The following ADGRL1 variants were observed in gnomAD, a reference collection of about 807,000 sequenced individuals.
ADGRL1 encodes the protein adhesion G protein-coupled receptor L1.
In ADGRL1, 31 loss-of-function variants were observed where a neutral mutation model predicts 148.9. That is an observed-to-expected ratio of 0.21 (90% CI 0.16 to 0.28). ADGRL1 has a LOEUF of 0.28. Ranked by LOEUF, ADGRL1 falls within the 10% of genes least tolerant of loss-of-function variation. The pLI is 1.00. For missense variants in ADGRL1, 1,521 were observed against 2,058.8 expected, an observed-to-expected ratio of 0.74 and a Z score of 5.05; for synonymous variants, 937 against 900.3, an observed-to-expected ratio of 1.04 and a Z score of -0.73.
chr19:14,156,839 C>T lies in ADGRL1; in HGVS notation c.2966+86G>A, dbSNP rs1478830603. The T allele has an allele frequency of 1.5e-5, 23 of 1,534,280 alleles. No homozygotes were observed. In the East Asian group the frequency reaches 5.4e-4, roughly 36 times the overall value. On this transcript the variant is annotated intron_variant, in intron 15 of 22. Coordinates refer to ENST00000361434, the MANE Select transcript of ADGRL1 (RefSeq NM_014921.5). ...CTCTGGGATCAGGAGGAGGAAGGGA[C>T]TACCGCCCTGAGGGTCCTGGTCCAA...
chr19:14,174,697 G>C (rs1365602998), intron 3 of ADGRL1, among the ~76,000 whole-genome samples: 1 of 151,402 alleles, frequency 6.6e-6, no homozygotes, highest in Non-Finnish European at 1.5e-5. Flanking sequence ...CACCGTATCA[G>C]GCTAATTTTT....
In ADGRL1 at chr19:14,160,069, GGCGCCCTCCCCATA is replaced by G; in HGVS notation, c.1800+29_1800+42del. The G allele has an allele frequency of 1.3e-6, 2 of 1,533,484 alleles. No homozygotes were observed. The highest frequency in any genetic ancestry group is 1.8e-6 in the Non-Finnish European group (2 of 1,136,496). The allele number at this position is 1,533,484 out of a possible 1,614,324, so 95.0% of individuals were successfully genotyped here. A position where few individuals can be genotyped will look rare whatever the true frequency, so the allele number is the denominator to read the frequency against. The stretch of plus-strand genomic sequence containing the variant: ...GGTACTTCCCAAGCCCCTGGGGGCA[GGCGCCCTCCCCATA>G]CCAGGTCAGCGCCACCGCCAGGCCC... On this transcript the variant is annotated intron_variant, in intron 8 of 22. Transcript: ENST00000361434. The surrounding 1 kb of genome is among the most constrained non-coding windows in gnomAD (Gnocchi z 5.9).
intron 1 of ADGRL1, among the ~76,000 whole-genome samples, chr19:14,196,382 G>A (rs1972266115): frequency 6.6e-6 from 1 of 152,252 alleles, no homozygotes; most frequent in Admixed American, 6.5e-5. Flanking sequence ...ACTTCAGGAG[G>A]CTGAAGAGGG....
In ADGRL1 at chr19:14,179,223, G is replaced by A. The variant is rs565824847; in HGVS notation, c.71-1479C>T. Among the ~76,000 whole-genome samples the A allele has an allele frequency of 9.9e-5, 15 of 151,848 alleles. No homozygotes were observed. The South Asian group carries it at 1.9e-3, about 19-fold the overall frequency. ...AATAAAAAAAAAATAGGTCAGGCAC[G>A]GTGGCTCACGCCTATAATCCCAGCA... On this transcript the variant is annotated intron_variant, in intron 2 of 22. Coordinates refer to ENST00000361434, the MANE Select transcript of ADGRL1 (RefSeq NM_014921.5).
chr19:14,186,868 G>A (rs1361861740), intron 1 of ADGRL1, among the ~76,000 whole-genome samples: 4 of 152,076 alleles, frequency 2.6e-5, no homozygotes, highest in Non-Finnish European at 5.9e-5. Context: ...CATTGTTCAG[G>A]GCTCAGCCGC....
chr19:14,152,123 T>G lies in ADGRL1; in HGVS notation c.3667+10A>C, dbSNP rs1467267060. The G allele has an allele frequency of 6.2e-7, 1 of 1,612,982 alleles. No individual in the cohort carries two copies. Among genetic ancestry groups the G allele is most frequent in the South Asian group, 1.1e-5 (1 of 91,044 alleles). On this transcript the variant is annotated intron_variant, in intron 22 of 22. Coordinates refer to ENST00000361434, the MANE Select transcript of ADGRL1 (RefSeq NM_014921.5). The surrounding 1 kb of genome is among the most constrained non-coding windows in gnomAD (Gnocchi z 6.1). The stretch of plus-strand genomic sequence containing the variant: ...CCTCAGAAACATCCCCAGGGAAGAG[T>G]CACACTTACTGGGTTCCCGGTAGCT...
At chr19:14,171,359 GCT>G (rs1380753600) in intron 3 of ADGRL1, 3 of 152,618 alleles carry the variant, frequency 2.0e-5, no homozygotes, top group Non-Finnish European at 4.4e-5. Context: ...TTTCCTGCCT[GCT>G]CTCTCTTTCC....
intron 1 of ADGRL1, among the ~76,000 whole-genome samples, chr19:14,193,614 C>T (rs1269502672): frequency 6.6e-6 from 1 of 152,046 alleles, no homozygotes; most frequent in Non-Finnish European, 1.5e-5. Context: ...GTTGAAGTCC[C>T]AACTCCTGAT....
chr19:14,160,665 C>A lies in ADGRL1; in HGVS notation c.1542G>T (p.Leu514Phe). Residue 514 changes from leucine (L) to phenylalanine (F), a missense_variant, in exon 7 of 23, where the codon TTG becomes TTT. Leu to Phe is a conservative substitution (Grantham distance 22, BLOSUM62 0). This residue lies in a region of ADGRL1 where 270 missense variants were observed against 320.4 expected (regional missense o/e 0.84). Coordinates refer to ENST00000361434, the MANE Select transcript of ADGRL1 (RefSeq NM_014921.5). This position sits in a 1 kb window ranked among gnomAD's most constrained non-coding sequence, Gnocchi z 5.9. ...GIASFQCLPALGLWNPRGPDL... is the reference protein window; with the variant it reads ...GIASFQCLPAFGLWNPRGPDL... ...CAGGGCCCCGGGGGTTCCAGAGCCC[C>A]AAGGCTGGTAGACACTGGAAGGAGG... 1 of 1,612,884 alleles carries A rather than the reference C, an allele frequency of 6.2e-7. No individual in the cohort carries two copies. Among genetic ancestry groups the A allele is most frequent in the Non-Finnish European group, 8.5e-7 (1 of 1,179,612 alleles).
Position 14,177,566 on chromosome 19 carries a change from G to A in ADGRL1, c.249C>T (p.Cys83=), listed in dbSNP as rs1488704344. ...ADPFQMENVQ[C]YLPDAFKIMS... ...TGATCTTGAAGGCGTCCGGCAGGTA[G>A]CACTGCACATTCTCCATCTGGAAAG... The change falls in exon 3 of 23, where the codon TGC becomes TGT. Residue 83 remains cysteine, a synonymous_variant. Coordinates refer to ENST00000361434, the MANE Select transcript of ADGRL1 (RefSeq NM_014921.5). The A allele has an allele frequency of 6.2e-7, 1 of 1,614,218 alleles. No individual in the cohort carries two copies. The highest frequency in any genetic ancestry group is 8.5e-7 in the Non-Finnish European group (1 of 1,180,046).
In ADGRL1 at chr19:14,152,177, G is replaced by A. The variant is rs1968270107; in HGVS notation, c.3650-27C>T. On this transcript the variant is annotated intron_variant, in intron 21 of 22. Coordinates refer to ENST00000361434, the MANE Select transcript of ADGRL1 (RefSeq NM_014921.5). This position sits in a 1 kb window ranked among gnomAD's most constrained non-coding sequence, Gnocchi z 6.1. Reference sequence around the variant, plus strand: ...TGCAGGTGGCAGCCAGAAGAGAGAAGAGAAAAGGCAAGGATGAGCTCGAAA... The same window carrying A: ...TGCAGGTGGCAGCCAGAAGAGAGAAAAGAAAAGGCAAGGATGAGCTCGAAA... 1 of 1,614,162 alleles carries A rather than the reference G, an allele frequency of 6.2e-7. No homozygotes were observed. Among genetic ancestry groups the A allele is most frequent in the South Asian group, 1.1e-5 (1 of 91,090 alleles).
intron 4 of ADGRL1, among the ~76,000 whole-genome samples, chr19:14,165,902 T>A (rs1969915193): frequency 6.6e-6 from 1 of 152,144 alleles, no homozygotes; most frequent in Non-Finnish European, 1.5e-5. Context: ...CCCTGCCTGC[T>A]GCTGCCGGCC....
chr19:14,163,504 AG>A, intron 4 of ADGRL1, 98 bp from the exon 5 acceptor site: 6 of 800,950 alleles, frequency 7.5e-6, no homozygotes, highest in South Asian at 3.9e-5. Context: ...GAGAGGGGGG[AG>A]AGAGGCAAGT....
chr19:14,179,275 A>G (rs910825748), intron 2 of ADGRL1, among the ~76,000 whole-genome samples: 1 of 151,936 alleles, frequency 6.6e-6, no homozygotes, highest in African/African-American at 2.4e-5. Context: ...TGGGCAGATC[A>G]TGAGGTGAGG....
chr19:14,159,985 G>T lies in ADGRL1; in HGVS notation c.1800+127C>A. The stretch of plus-strand genomic sequence containing the variant: ...GGCAGTCCTTGGCGGAGAGGGGGGG[G>T]TCCTTCCTCTCTGAGGAAAGGAGTG... On this transcript the variant is annotated intron_variant, in intron 8 of 22. Coordinates refer to ENST00000361434, the MANE Select transcript of ADGRL1 (RefSeq NM_014921.5). This position sits in a 1 kb window ranked among gnomAD's most constrained non-coding sequence, Gnocchi z 6.0. The T allele has an allele frequency of 9.2e-7, 1 of 1,084,902 alleles. No individual in the cohort carries two copies. Among genetic ancestry groups the T allele is most frequent in the Non-Finnish European group, 1.3e-6 (1 of 763,228 alleles). 67.2% of individuals were successfully genotyped at this position (1,084,902 alleles called of 1,614,324 possible). A position where few individuals can be genotyped will look rare whatever the true frequency, so the allele number is the denominator to read the frequency against.
intron 12 of ADGRL1, 101 bp downstream of exon 12, chr19:14,158,237 T>C: frequency 7.5e-7 from 1 of 1,331,876 alleles, no homozygotes; most frequent in Non-Finnish European, 1.1e-6. Flanking sequence ...GAAGAACCCA[T>C]AACTTGTTCT....
chr19:14,170,707 C>G lies in ADGRL1; in HGVS notation c.369G>C (p.Glu123Asp). 1.9e-6 allele frequency: 3 copies of G among 1,612,168 alleles called. No homozygotes were observed. Among genetic ancestry groups the G allele is most frequent in the Non-Finnish European group, 2.5e-6 (3 of 1,178,420 alleles). Residue 123 changes from glutamate (E) to aspartate (D), a missense_variant, in exon 4 of 23, where the codon GAG (glutamate) becomes GAC (aspartate). Around this residue, in one of 8 missense-constraint regions of ADGRL1, gnomAD observed 334 missense variants for 512.5 expected, o/e 0.65. Transcript: ENST00000361434. ...DPCPGTYKYL[E>D]VQYDCVPYIF... Reference sequence around the variant, plus strand: ...TGTAGGGGACACAGTCGTACTGCACCTCCAGGTACTTGTAGGTCCCAGGAC... The same window carrying G: ...TGTAGGGGACACAGTCGTACTGCACGTCCAGGTACTTGTAGGTCCCAGGAC...
intron 2 of ADGRL1, among the ~76,000 whole-genome samples, chr19:14,179,628 C>T (rs369977483): frequency 3.3e-4 from 50 of 151,980 alleles, no homozygotes; most frequent in African/African-American, 1.1e-3. Context: ...TGGTCTAGGC[C>T]GGGCTCGGTG....
chr19:14,150,767 A>T lies in ADGRL1; in HGVS notation c.*106T>A. 2.2e-6 allele frequency: 3 copies of T among 1,366,450 alleles called. No homozygotes were observed. The highest frequency in any genetic ancestry group is 3.0e-6 in the Non-Finnish European group (3 of 1,002,948). The allele number at this position is 1,366,450 out of a possible 1,614,324, so 84.6% of individuals were successfully genotyped here. ...CCATGGCTGAGGGGCACCTGGAGAG[A>T]GTGGCCCACCAGCCACTGCCTCCAT... On this transcript the variant is annotated 3_prime_UTR_variant, in exon 23 of 23. Coordinates refer to ENST00000361434, the MANE Select transcript of ADGRL1 (RefSeq NM_014921.5).
Sources: allele counts gnomAD v4.1 joint callset (sites outside exome capture counted in the v4.1 genomes callset), GRCh38; gene constraint gnomAD v4.1.1; regional missense constraint gnomAD v4.1.1; non-coding constraint Gnocchi (gnomAD v3.1); transcripts MANE v1.5; gene names NCBI Gene and HGNC (gene_info 2026-07-23, HGNC 2026-07-21).